The following PHYHIPL variants were observed in gnomAD, a reference collection of about 807,000 sequenced individuals.
The protein encoded by PHYHIPL is phytanoyl-CoA hydroxylase-interacting protein-like.
A neutral mutation model predicts 33.4 loss-of-function variants in PHYHIPL; 9 were observed. The ratio of observed to expected loss-of-function variants is 0.27; its 90% CI spans 0.16 to 0.47. The LOEUF is 0.47. Among genes scored for constraint, PHYHIPL ranks in the 20% least tolerant of loss-of-function variants. The pLI is 0.99. For missense variants in PHYHIPL, 365 were observed against 460.7 expected (o/e 0.79, Z 1.90); for synonymous variants, 153 against 154.1 (o/e 0.99, Z 0.05).
At chr10:59,209,579 T>C (rs1388199709) in intron 1 of PHYHIPL, among the ~76,000 whole-genome samples, 4 of 152,110 alleles carry the variant, frequency 2.6e-5, no homozygotes, top group Admixed American at 2.6e-4. Context: ...CACATAACAA[T>C]ATTAACCTTA....
At chr10:59,219,900 G>C (rs1332604213) in intron 1 of PHYHIPL, among the ~76,000 whole-genome samples, 1 of 152,098 alleles carries the variant, frequency 6.6e-6, no homozygotes, top group East Asian at 1.9e-4. Flanking sequence ...CCCTACTGAA[G>C]TCATGTAAAA....
At position 59,245,380 on chromosome 10, in the gene PHYHIPL, A is replaced by T; in HGVS notation, c.920A>T (p.Asp307Val). ...CGCCTTCCTCAACTAAATTCTAAGG[A>T]TAATAAATTTTTGACCTGTACAGAA... ...KQRLPQLNSK[D>V]NKFLTCTEED... Residue 307 changes from aspartate (D) to valine (V), a missense_variant, in exon 5 of 5, where the codon GAT becomes GTT. Transcript: ENST00000373880. 2 of 1,614,128 alleles carry T rather than the reference A, an allele frequency of 1.2e-6. No homozygotes were observed. The highest frequency in any genetic ancestry group is 1.7e-6 in the Non-Finnish European group (2 of 1,180,032).
intron 1 of PHYHIPL, among the ~76,000 whole-genome samples, chr10:59,209,159 T>A (rs1839372890): frequency 6.6e-6 from 1 of 151,666 alleles, no homozygotes; most frequent in Non-Finnish European, 1.5e-5. Flanking sequence ...AAGGAAAAAA[T>A]GTTAAGGGCA....
chr10:59,241,779 A>G (rs1196985826), intron 4 of PHYHIPL, among the ~76,000 whole-genome samples: 1 of 152,136 alleles, frequency 6.6e-6, no homozygotes, highest in East Asian at 1.9e-4. Flanking sequence ...GCCCACATCT[A>G]TCTATTGTTT....
chr10:59,214,426 T>G (rs1363518337), intron 1 of PHYHIPL, among the ~76,000 whole-genome samples: 1 of 152,126 alleles, frequency 6.6e-6, no homozygotes, highest in Non-Finnish European at 1.5e-5. Flanking sequence ...AATTATACTG[T>G]ACATCCCTAG....
At chr10:59,215,473 G>A (rs1173800682) in intron 1 of PHYHIPL, among the ~76,000 whole-genome samples, 1 of 151,952 alleles carries the variant, frequency 6.6e-6, no homozygotes, top group Non-Finnish European at 1.5e-5. Context: ...GAGTAGACTG[G>A]TTCCTTTACT....
chr10:59,178,253 T>A (rs1838307864), intron 1 of PHYHIPL, among the ~76,000 whole-genome samples: 1 of 152,002 alleles, frequency 6.6e-6, no homozygotes, highest in East Asian at 1.9e-4. Flanking sequence ...CACTTTAATT[T>A]CTGATACAGG....
chr10:59,178,155 T>A (rs1838304880), intron 1 of PHYHIPL, among the ~76,000 whole-genome samples: 1 of 151,898 alleles, frequency 6.6e-6, no homozygotes, highest in African/African-American at 2.4e-5. Flanking sequence ...AAGCACCGAA[T>A]TTGTTTATTA....
chr10:59,194,010 A>G (rs1273056034), intron 1 of PHYHIPL, among the ~76,000 whole-genome samples: 1 of 151,978 alleles, frequency 6.6e-6, no homozygotes, highest in African/African-American at 2.4e-5. Flanking sequence ...AATTCCAAAT[A>G]CAATTTAGCT....
chr10:59,231,075 A>C (rs1840067080), intron 1 of PHYHIPL, among the ~76,000 whole-genome samples: 1 of 147,030 alleles, frequency 6.8e-6, no homozygotes, highest in Admixed American at 6.9e-5. Context: ...TAAAAAATAT[A>C]AATACATGGT....
intron 1 of PHYHIPL, among the ~76,000 whole-genome samples, chr10:59,231,495 T>C (rs1840078111): frequency 6.6e-6 from 1 of 152,102 alleles, no homozygotes; most frequent in Non-Finnish European, 1.5e-5. Context: ...AAGACACTTT[T>C]AGATGATAAA....
chr10:59,200,497 G>C (rs1839067353), intron 1 of PHYHIPL, among the ~76,000 whole-genome samples: 1 of 152,126 alleles, frequency 6.6e-6, no homozygotes, highest in African/African-American at 2.4e-5. Context: ...ACGTTCATCA[G>C]GGATATTGGT....
intron 1 of PHYHIPL, among the ~76,000 whole-genome samples, chr10:59,228,466 T>C (rs1220255599): frequency 6.6e-6 from 1 of 152,144 alleles, no homozygotes; most frequent in Non-Finnish European, 1.5e-5. Context: ...TATTACTATC[T>C]TAATTAGTTT....
At chr10:59,204,760 C>T (rs1006913615) in intron 1 of PHYHIPL, among the ~76,000 whole-genome samples, 1 of 151,708 alleles carries the variant, frequency 6.6e-6, no homozygotes, top group African/African-American at 2.4e-5. Flanking sequence ...TATTTTTATG[C>T]TTCCATATGT....
At chr10:59,244,649 A>T (rs1840580839) in intron 4 of PHYHIPL, among the ~76,000 whole-genome samples, 1 of 151,138 alleles carries the variant, frequency 6.6e-6, no homozygotes, top group Non-Finnish European at 1.5e-5. Flanking sequence ...TTATGACTAA[A>T]TCTATCATGC....
intron 1 of PHYHIPL, among the ~76,000 whole-genome samples, chr10:59,211,854 C>T (rs1839457543): frequency 1.3e-5 from 2 of 151,986 alleles, no homozygotes; most frequent in Non-Finnish European, 2.9e-5. Flanking sequence ...AAGTGAAACT[C>T]ATATTTCTGA....
chr10:59,241,873 A>C (rs1469116125), intron 4 of PHYHIPL, among the ~76,000 whole-genome samples: 1 of 152,124 alleles, frequency 6.6e-6, no homozygotes, highest in African/African-American at 2.4e-5. Context: ...TGTGCCAATG[A>C]GCACAGACAA....
chr10:59,178,642 T>C (rs1282462694), intron 1 of PHYHIPL, among the ~76,000 whole-genome samples: 1 of 152,184 alleles, frequency 6.6e-6, no homozygotes, highest in African/African-American at 2.4e-5. Flanking sequence ...GCATTCATTG[T>C]TGCTCTTCAG....
chr10:59,180,257 T>TATATAC (rs1554854118), intron 1 of PHYHIPL, among the ~76,000 whole-genome samples: 12 of 118,960 alleles, frequency 1.0e-4, no homozygotes, highest in African/African-American at 4.0e-4. Flanking sequence ...ATCATATATA[T>TATATAC]ACACACACAC....
Sources: allele counts gnomAD v4.1 joint callset (sites outside exome capture counted in the v4.1 genomes callset), GRCh38; gene constraint gnomAD v4.1.1; transcripts MANE v1.5; gene names NCBI Gene and HGNC (gene_info 2026-07-23, HGNC 2026-07-21).